Variants in RNF168 observed in about 807,000 individuals in gnomAD.
The protein encoded by RNF168 is ring finger protein 168.
A neutral mutation model predicts 34.9 loss-of-function variants in RNF168; 34 were observed. The ratio of observed to expected loss-of-function variants is 0.97; its 90% CI spans 0.74 to 1.30. The LOEUF is 1.30. Ranked by LOEUF, RNF168 falls within the 50% of genes most tolerant of loss-of-function variation. The probability of loss-of-function intolerance (pLI) is 0.00; values close to 1 mark genes in which losing one functional copy is unlikely to be tolerated. For missense variants in RNF168, 725 were observed against 682.5 expected (o/e 1.06, Z -0.69); for synonymous variants, 264 against 254.7 (o/e 1.04, Z -0.35).
chr3:196,497,296 C>G (rs182368105), intron 1 of RNF168, among the ~76,000 whole-genome samples: 3 of 151,976 alleles, frequency 2.0e-5, no homozygotes, highest in Admixed American at 2.0e-4. Flanking sequence ...AACTGATACC[C>G]ATATGGGAAA....
chr3:196,472,516 G>C lies in RNF168; in HGVS notation c.1019C>G (p.Ser340Trp), dbSNP rs187146687. Residue 340 changes from serine (S) to tryptophan (W), a missense_variant, in exon 6 of 6, where the codon TCG becomes TGG. Physicochemically the swap from Ser to Trp is radical, Grantham distance 177. Transcript: ENST00000318037. ...ACAAGGCATAACTGCAGTTTCTTTC[G>C]AGTAGGGAACTCTGGTTTTAGGTCG... ...HERPKTRVPY[S>W]KETAVMPCGR... 3 of 1,614,024 alleles carry C rather than the reference G, an allele frequency of 1.9e-6. No individual in the cohort carries two copies. Among genetic ancestry groups the C allele is most frequent in the Non-Finnish European group, 2.5e-6 (3 of 1,180,034 alleles).
Position 196,503,078 on chromosome 3 carries a change from G to GT in RNF168, c.95dup (p.Asn32LysfsTer6), listed in dbSNP as rs1295298257. ...GGAAGCACGGTTTACACAGCGTGTG[G>GT]TTACACGGGAGGGTGACGGGCTCCA... On this transcript the variant is annotated frameshift_variant, in exon 1 of 6. Coordinates refer to ENST00000318037, the MANE Select transcript of RNF168 (RefSeq NM_152617.4). LOFTEE classifies it high-confidence loss of function. 6.2e-7 allele frequency: 1 copy of GT among 1,614,142 alleles called. No homozygotes were observed. The highest frequency in any genetic ancestry group is 8.5e-7 in the Non-Finnish European group (1 of 1,180,016).
Position 196,470,753 on chromosome 3 carries a change from G to C in RNF168, c.*1066C>G, listed in dbSNP as rs181151313. ...TCTGTTTCAATGATCTGGACTGTCA[G>C]TCACCCCATCCAGCCTCATCCCAGC... On this transcript the variant is annotated 3_prime_UTR_variant, in exon 6 of 6. Transcript: ENST00000318037. The C allele has an allele frequency of 5.1e-3, 782 of 153,058 alleles. 10 individuals are homozygous for C. The highest frequency in any genetic ancestry group is 0.023 in the Middle Eastern group (7 of 300). 9.5% of individuals were successfully genotyped at this position (153,058 alleles called of 1,614,324 possible).
At chr3:196,487,211 T>C (rs1408938231) in intron 3 of RNF168, among the ~76,000 whole-genome samples, 188 bp downstream of exon 3, 1 of 152,224 alleles carries the variant, frequency 6.6e-6, no homozygotes, top group East Asian at 1.9e-4. Flanking sequence ...GCAATCGGAA[T>C]GTTAATAGTT....
intron 1 of RNF168, among the ~76,000 whole-genome samples, chr3:196,501,685 A>G (rs1482783189): frequency 6.6e-6 from 1 of 152,216 alleles, no homozygotes; most frequent in Non-Finnish European, 1.5e-5. Context: ...GTACTTAAAA[A>G]TGGTTAAAAT....
chr3:196,496,569 C>T (rs1732748170), intron 1 of RNF168, among the ~76,000 whole-genome samples: 1 of 152,194 alleles, frequency 6.6e-6, no homozygotes, highest in African/African-American at 2.4e-5. Context: ...CCTACACAAA[C>T]AGAGAAATAT....
rs1053055078 is a variant in RNF168, at chr3:196,469,099, C to A, written c.*2720G>T. On this transcript the variant is annotated 3_prime_UTR_variant, in exon 6 of 6. Coordinates refer to ENST00000318037, the MANE Select transcript of RNF168 (RefSeq NM_152617.4). ...TATATTTACACCTAAATATATCACA[C>A]CCTCCTTTTTGGTCACAGACTATTC... 6.6e-6 allele frequency: 1 copy of A among 152,076 alleles called. No individual in the cohort carries two copies. Among genetic ancestry groups the A allele is most frequent in the Admixed American group, 6.6e-5 (1 of 15,266 alleles). The allele number at this position is 152,076 out of a possible 1,614,324, so 9.4% of individuals were successfully genotyped here. A position where few individuals can be genotyped will look rare whatever the true frequency, so the allele number is the denominator to read the frequency against.
rs750707053 is a variant in RNF168, at chr3:196,471,967, A to C, written c.1568T>G (p.Leu523Ter). 1.1e-5 allele frequency: 18 copies of C among 1,614,024 alleles called. No homozygotes were observed. The highest frequency in any genetic ancestry group is 1.5e-5 in the Non-Finnish European group (18 of 1,180,002). ...GSRDKNRQVS[L>*]KMQLKQSVNR... ...AACTGACTGCTTCAACTGCATCTTT[A>C]AAGACACTTGCCTATTTTTGTCCCT... Residue 523 changes from leucine to a stop codon, truncating the protein, a stop_gained, in exon 6 of 6, where the codon TTA becomes TGA. Coordinates refer to ENST00000318037, the MANE Select transcript of RNF168 (RefSeq NM_152617.4). LOFTEE classifies it high-confidence loss of function.
At chr3:196,495,321 T>C (rs1413686693) in intron 1 of RNF168, among the ~76,000 whole-genome samples, 1 of 152,208 alleles carries the variant, frequency 6.6e-6, no homozygotes, top group African/African-American at 2.4e-5. Context: ...AAAATTAACA[T>C]TGATATATTA....
intron 1 of RNF168, among the ~76,000 whole-genome samples, chr3:196,493,363 CTTTT>C (rs1732641940): frequency 6.6e-6 from 1 of 152,094 alleles, no homozygotes; most frequent in Non-Finnish European, 1.5e-5. Flanking sequence ...TTGCCTTTTT[CTTTT>C]GTTTTTGGAA....
At chr3:196,486,939 T>C (rs1049518507) in intron 3 of RNF168, among the ~76,000 whole-genome samples, 10 of 152,100 alleles carry the variant, frequency 6.6e-5, no homozygotes, top group African/African-American at 1.9e-4. Context: ...TGCCAGCCTG[T>C]AGTCCCAGCT....
intron 4 of RNF168, among the ~76,000 whole-genome samples, chr3:196,481,898 C>T (rs145352849): frequency 3.7e-4 from 56 of 151,048 alleles, no homozygotes; most frequent in African/African-American, 1.3e-3. Flanking sequence ...CTCAAGCAAT[C>T]CTACCACCTC....
intron 1 of RNF168, among the ~76,000 whole-genome samples, chr3:196,489,989 C>T (rs1351576953): frequency 3.3e-5 from 5 of 152,196 alleles, no homozygotes. Context: ...AAGTCCTCTG[C>T]GATCGGGCAG....
intron 1 of RNF168, among the ~76,000 whole-genome samples, chr3:196,490,713 G>A (rs1732571611): frequency 6.6e-6 from 1 of 152,114 alleles, no homozygotes; most frequent in Non-Finnish European, 1.5e-5. Flanking sequence ...GATTCCTATG[G>A]CCTGCAGGCC....
At chr3:196,475,367 C>A in intron 4 of RNF168, 55 bp from the exon 5 acceptor site, 1 of 1,009,398 alleles carries the variant, frequency 9.9e-7, no homozygotes, top group Non-Finnish European at 1.6e-6. Context: ...TGGTATGTAC[C>A]CAACATAATA....
chr3:196,484,393 C>T (rs1732372982), intron 3 of RNF168, among the ~76,000 whole-genome samples: 1 of 150,066 alleles, frequency 6.7e-6, no homozygotes, highest in South Asian at 2.1e-4. Context: ...CCAGGATGGT[C>T]TCGATTTCCT....
chr3:196,472,147 A>C lies in RNF168; in HGVS notation c.1388T>G (p.Val463Gly). Reference sequence around the variant, plus strand: ...TGGGGATCCTTTTTGCCGGTTTGGCACCATTTGCTCTTTATCCACCTCCTT... The same window carrying C: ...TGGGGATCCTTTTTGCCGGTTTGGCCCCATTTGCTCTTTATCCACCTCCTT... ...LQKEVDKEQMVPNRQKGSPDE... is the reference protein window; with the variant it reads ...LQKEVDKEQMGPNRQKGSPDE... The change falls in exon 6 of 6, where the codon GTG (valine) becomes GGG (glycine). Residue 463 changes from valine (V) to glycine (G), a missense_variant. Val to Gly is a moderately radical substitution (Grantham distance 109). Transcript: ENST00000318037. The C allele has an allele frequency of 6.2e-7, 1 of 1,614,124 alleles. No individual in the cohort carries two copies.
At chr3:196,484,491 T>C (rs1189368287) in intron 3 of RNF168, among the ~76,000 whole-genome samples, 1 of 143,634 alleles carries the variant, frequency 7.0e-6, no homozygotes, top group South Asian at 2.2e-4. Context: ...TTTTTTTTTT[T>C]TTTTTTTTAA....
In RNF168 at chr3:196,472,157, C is replaced by T; in HGVS notation, c.1378G>A (p.Glu460Lys). The T allele has an allele frequency of 1.9e-6, 3 of 1,614,136 alleles. No individual in the cohort carries two copies. Among genetic ancestry groups the T allele is most frequent in the Non-Finnish European group, 2.5e-6 (3 of 1,180,018 alleles). ...TTTTGCCGGTTTGGCACCATTTGCT[C>T]TTTATCCACCTCCTTCTGAAGTTGT... ...ALQLQKEVDKEQMVPNRQKGS... is the reference protein window; with the variant it reads ...ALQLQKEVDKKQMVPNRQKGS... The change falls in exon 6 of 6, where the codon GAG becomes AAG. Residue 460 changes from glutamate (E) to lysine (K), a missense_variant. Coordinates refer to ENST00000318037, the MANE Select transcript of RNF168 (RefSeq NM_152617.4).
Sources: allele counts gnomAD v4.1 joint callset (sites outside exome capture counted in the v4.1 genomes callset), GRCh38; gene constraint gnomAD v4.1.1; transcripts MANE v1.5; gene names NCBI Gene and HGNC (gene_info 2026-07-23, HGNC 2026-07-21).